The following KCNIP4 variants were observed in gnomAD, a reference collection of about 807,000 sequenced individuals.
KCNIP4 encodes potassium voltage-gated channel interacting protein 4.
In KCNIP4, 12 loss-of-function variants were observed where a neutral mutation model predicts 34.0. The ratio of observed to expected loss-of-function variants is 0.35; its 90% CI spans 0.23 to 0.57. The LOEUF is 0.57. KCNIP4 is among the 20% of genes least tolerant of loss of function. The pLI, the probability that KCNIP4 is intolerant of heterozygous loss-of-function variation, is 0.83. For synonymous variants in KCNIP4, 124 were observed against 102.2 expected, an observed-to-expected ratio of 1.21 and a Z score of -1.29; for missense variants, 238 against 311.7, an observed-to-expected ratio of 0.76 and a Z score of 1.78.
At chr4:20,775,026 A>T (rs1270130687) in intron 3 of KCNIP4, among the ~76,000 whole-genome samples, 2 of 152,192 alleles carry the variant, frequency 1.3e-5, no homozygotes, top group African/African-American at 4.8e-5. Context: ...ACTCTACCAG[A>T]GTTGAATTTT....
intron 1 of KCNIP4, among the ~76,000 whole-genome samples, chr4:20,907,915 G>A (rs776565350): frequency 3.8e-4 from 57 of 151,652 alleles, no homozygotes; most frequent in Non-Finnish European, 7.4e-4. Flanking sequence ...TAATCGTCAA[G>A]TTTTTTTTAG....
intron 1 of KCNIP4, among the ~76,000 whole-genome samples, chr4:21,789,414 C>T (rs542281316): frequency 6.6e-6 from 1 of 152,124 alleles, no homozygotes; most frequent in Non-Finnish European, 1.5e-5. Context: ...CTTTAGTCTG[C>T]AAAACCACCA....
chr4:21,339,436 T>C (rs561066931), intron 1 of KCNIP4, among the ~76,000 whole-genome samples: 1 of 152,312 alleles, frequency 6.6e-6, no homozygotes, highest in African/African-American at 2.4e-5. Flanking sequence ...GTCAACATAA[T>C]ATGCAAATTG....
intron 1 of KCNIP4, among the ~76,000 whole-genome samples, chr4:21,279,166 A>C (rs1188797411): frequency 6.6e-6 from 1 of 152,204 alleles, no homozygotes; most frequent in Non-Finnish European, 1.5e-5. Flanking sequence ...AATGGCAAAA[A>C]CCACAACTAC....
chr4:21,815,760 G>T (rs1721952496), intron 1 of KCNIP4, among the ~76,000 whole-genome samples: 1 of 152,040 alleles, frequency 6.6e-6, no homozygotes, highest in Non-Finnish European at 1.5e-5. Flanking sequence ...TTTTAAATGA[G>T]AAACTGAGTT....
intron 3 of KCNIP4, among the ~76,000 whole-genome samples, chr4:20,818,858 C>T (rs1716750306): frequency 6.6e-6 from 1 of 150,484 alleles, no homozygotes; most frequent in African/African-American, 2.4e-5. Flanking sequence ...AAGAATGCAA[C>T]TAACATTTTT....
chr4:20,955,540 A>G (rs749236323), intron 1 of KCNIP4, among the ~76,000 whole-genome samples: 1 of 152,102 alleles, frequency 6.6e-6, no homozygotes, highest in Non-Finnish European at 1.5e-5. Flanking sequence ...TGGTGGGGCC[A>G]CTTCTATCTT....
intron 1 of KCNIP4, among the ~76,000 whole-genome samples, chr4:21,224,536 C>T (rs980663073): frequency 6.8e-6 from 1 of 147,356 alleles, no homozygotes; most frequent in African/African-American, 2.5e-5. Context: ...CCCCTTCACT[C>T]TACAGATATT....
At chr4:20,951,100 C>G (rs188632805) in intron 1 of KCNIP4, among the ~76,000 whole-genome samples, 37 of 151,034 alleles carry the variant, frequency 2.4e-4, no homozygotes, top group Admixed American at 9.9e-4. Flanking sequence ...CGTCAGAGTG[C>G]TCTCTCTCTC....
At chr4:21,147,044 C>T (rs1394274004) in intron 1 of KCNIP4, among the ~76,000 whole-genome samples, 3 of 152,048 alleles carry the variant, frequency 2.0e-5, no homozygotes, top group Admixed American at 6.6e-5. Context: ...CTTTGCTCTC[C>T]GTCCTGGGAG....
intron 1 of KCNIP4, among the ~76,000 whole-genome samples, chr4:21,761,719 T>C (rs1250425864): frequency 1.3e-5 from 2 of 152,104 alleles, no homozygotes; most frequent in Non-Finnish European, 2.9e-5. Flanking sequence ...ATTTCTTCCA[T>C]ATTTATTTTT....
At chr4:21,140,801 C>T (rs994719775) in intron 1 of KCNIP4, among the ~76,000 whole-genome samples, 7 of 152,218 alleles carry the variant, frequency 4.6e-5, no homozygotes, top group African/African-American at 1.7e-4. Flanking sequence ...GGTTGGTTGC[C>T]AAGGTTGGAA....
At chr4:20,839,889 G>A (rs941880248) in intron 3 of KCNIP4, among the ~76,000 whole-genome samples, 1 of 152,080 alleles carries the variant, frequency 6.6e-6, no homozygotes, top group Non-Finnish European at 1.5e-5. Flanking sequence ...ATCCATTTTT[G>A]CACAGAAAAG....
At chr4:21,121,286 G>A (rs1416080584) in intron 1 of KCNIP4, among the ~76,000 whole-genome samples, 1 of 152,130 alleles carries the variant, frequency 6.6e-6, no homozygotes, top group African/African-American at 2.4e-5. Flanking sequence ...AAGGCATATA[G>A]GAGCTTTTAC....
At chr4:21,391,956 C>A (rs574081139) in intron 1 of KCNIP4, among the ~76,000 whole-genome samples, 1 of 152,308 alleles carries the variant, frequency 6.6e-6, no homozygotes, top group East Asian at 1.9e-4. Flanking sequence ...GTTTCCACTG[C>A]TATCCTGTAA....
At chr4:21,512,303 C>A (rs1039207609) in intron 1 of KCNIP4, among the ~76,000 whole-genome samples, 6 of 152,112 alleles carry the variant, frequency 3.9e-5, no homozygotes, top group Non-Finnish European at 5.9e-5. Flanking sequence ...GAACTGAGTT[C>A]ATTACCCAAG....
In KCNIP4 at chr4:21,392,921, T is replaced by C. The variant is rs116141387; in HGVS notation, c.62-510212A>G. The stretch of plus-strand genomic sequence containing the variant: ...TCCCTTAAAATGACATGAAGACAAA[T>C]ATTCCTGATTACACCTGAAGCAATA... On this transcript the variant is annotated intron_variant, in intron 1 of 8. Coordinates refer to ENST00000382152, the MANE Select transcript of KCNIP4 (RefSeq NM_025221.6). 3.4e-3 allele frequency among the ~76,000 whole-genome samples: 515 copies of C among 152,234 alleles called. 2 individuals carry two copies. The highest frequency in any genetic ancestry group is 0.012 in the African/African-American group (500 of 41,558).
chr4:20,851,912 G>C (rs1485847829), intron 2 of KCNIP4, among the ~76,000 whole-genome samples: 3 of 152,152 alleles, frequency 2.0e-5, no homozygotes, highest in Admixed American at 2.0e-4. Context: ...CTACTTGGGA[G>C]GCGGAGGTGG....
intron 1 of KCNIP4, among the ~76,000 whole-genome samples, chr4:21,432,471 G>A (rs186369329): frequency 1.4e-4 from 21 of 152,010 alleles, no homozygotes; most frequent in South Asian, 4.2e-4. Flanking sequence ...TACAAATGTG[G>A]AACAAAAATT....
Sources: gnomAD v4.1 joint callset for allele counts (sites outside exome capture counted in the v4.1 genomes callset) on GRCh38, gnomAD v4.1.1 for gene constraint, MANE v1.5 for transcripts, NCBI Gene and HGNC (gene_info 2026-07-23, HGNC 2026-07-21) for gene names.